The following CDC14A variants were observed in gnomAD, a reference collection of about 807,000 sequenced individuals.
CDC14A encodes cell division cycle 14A, also known as dual specificity protein phosphatase CDC14A.
In CDC14A, 53 loss-of-function variants were observed where a neutral mutation model predicts 74.4. That is an observed-to-expected ratio of 0.71 (90% CI 0.57 to 0.89). The LOEUF is 0.89. Ranked by LOEUF, CDC14A falls within the 40% of genes least tolerant of loss-of-function variation. CDC14A has a pLI of 0.00. For missense variants in CDC14A, 646 were observed against 713.7 expected (o/e 0.91, Z 1.08); for synonymous variants, 247 against 258.4 (o/e 0.96, Z 0.43).
chr1:100,383,707 T>C (rs1205274568), intron 3 of CDC14A: 1 of 152,482 alleles, frequency 6.6e-6, no homozygotes, highest in African/African-American at 2.4e-5. Context: ...ACCATGATCA[T>C]TGACAGAACT....
At chr1:100,370,695 C>T (rs372890451) in intron 2 of CDC14A, among the ~76,000 whole-genome samples, 1 of 152,198 alleles carries the variant, frequency 6.6e-6, no homozygotes, top group East Asian at 1.9e-4. Context: ...CAGTACCATG[C>T]TGTTTTGGTT....
intron 4 of CDC14A, among the ~76,000 whole-genome samples, chr1:100,418,722 G>A (rs895524171): frequency 6.6e-6 from 1 of 152,158 alleles, no homozygotes; most frequent in African/African-American, 2.4e-5. Flanking sequence ...AGTTCACTGC[G>A]GAACTAATGA....
At chr1:100,457,170 A>G (rs1161006963) in intron 8 of CDC14A, among the ~76,000 whole-genome samples, 3 of 152,216 alleles carry the variant, frequency 2.0e-5, no homozygotes, top group Admixed American at 6.5e-5. Context: ...GTGTTTGACT[A>G]CGTTTTCTTA....
chr1:100,470,000 A>G (rs943927777), intron 10 of CDC14A, among the ~76,000 whole-genome samples: 2 of 152,224 alleles, frequency 1.3e-5, no homozygotes, highest in African/African-American at 2.4e-5. Flanking sequence ...TTAATATAAA[A>G]TGAGTAAATG....
intron 1 of CDC14A, among the ~76,000 whole-genome samples, chr1:100,353,268 C>G (rs1250600876): frequency 6.6e-6 from 1 of 152,264 alleles, no homozygotes; most frequent in Non-Finnish European, 1.5e-5. Context: ...TACTCCGGCA[C>G]TCAGCAGCTC....
At chr1:100,421,952 A>G (rs1366116790) in intron 4 of CDC14A, among the ~76,000 whole-genome samples, 1 of 152,222 alleles carries the variant, frequency 6.6e-6, no homozygotes, top group Non-Finnish European at 1.5e-5. Flanking sequence ...TTAATGACCC[A>G]GCATGCATTC....
At chr1:100,412,565 G>T (rs1364309498) in intron 4 of CDC14A, among the ~76,000 whole-genome samples, 1 of 148,988 alleles carries the variant, frequency 6.7e-6, no homozygotes, top group South Asian at 2.1e-4. Context: ...GAAGATGGGG[G>T]TGAGAAATTG....
intron 13 of CDC14A, 76 bp downstream of exon 13, chr1:100,496,125 A>G: frequency 1.6e-6 from 2 of 1,269,162 alleles, no homozygotes; most frequent in Middle Eastern, 1.9e-4. Context: ...CAAGCCTCAA[A>G]CACGAAAATC....
At chr1:100,400,606 C>A (rs957344952) in intron 4 of CDC14A, among the ~76,000 whole-genome samples, 4 of 151,988 alleles carry the variant, frequency 2.6e-5, no homozygotes, top group Non-Finnish European at 5.9e-5. Flanking sequence ...TGTGATGTTG[C>A]CTGTAAATGG....
intron 1 of CDC14A, among the ~76,000 whole-genome samples, chr1:100,346,242 C>A (rs1650412527): frequency 6.6e-6 from 1 of 152,134 alleles, no homozygotes; most frequent in Non-Finnish European, 1.5e-5. Flanking sequence ...TAATATTTCT[C>A]AGCATGGCTA....
At chr1:100,444,843 A>G (rs921616681) in intron 7 of CDC14A, among the ~76,000 whole-genome samples, 2 of 152,246 alleles carry the variant, frequency 1.3e-5, no homozygotes, top group African/African-American at 4.8e-5. Context: ...AGAAAAACAT[A>G]TACTTTGTTC....
chr1:100,505,023 G>T (rs2101462685), intron 15 of CDC14A: 2 of 1,206,350 alleles, frequency 1.7e-6, no homozygotes, highest in East Asian at 2.6e-5. Flanking sequence ...TTTACATATT[G>T]TCTGTGTATG....
chr1:100,364,586 T>C (rs917042841), intron 2 of CDC14A, among the ~76,000 whole-genome samples: 1 of 152,146 alleles, frequency 6.6e-6, no homozygotes, highest in African/African-American at 2.4e-5. Context: ...AATCTGAGGG[T>C]TAGCCTTTTA....
At chr1:100,397,285 C>T (rs1190253158) in intron 4 of CDC14A, among the ~76,000 whole-genome samples, 2 of 152,132 alleles carry the variant, frequency 1.3e-5, no homozygotes, top group Non-Finnish European at 2.9e-5. Flanking sequence ...TCTCTTCACC[C>T]CCTGCATTGT....
intron 11 of CDC14A, among the ~76,000 whole-genome samples, chr1:100,486,256 A>C (rs184329759): frequency 1.6e-3 from 247 of 152,324 alleles, no homozygotes; most frequent in African/African-American, 5.7e-3. Flanking sequence ...TGATTAAGTT[A>C]ACATCTGGTA....
chr1:100,357,544 A>C (rs1652091175), intron 2 of CDC14A, among the ~76,000 whole-genome samples: 1 of 152,152 alleles, frequency 6.6e-6, no homozygotes, highest in South Asian at 2.1e-4. Flanking sequence ...GAGGAGAAGA[A>C]TATATTTATA....
intron 7 of CDC14A, among the ~76,000 whole-genome samples, chr1:100,452,244 G>T (rs1666214907): frequency 6.6e-6 from 1 of 152,184 alleles, no homozygotes; most frequent in African/African-American, 2.4e-5. Context: ...GGGTGCAGTG[G>T]CTCATGCCTG....
At chr1:100,393,192 A>C in intron 4 of CDC14A, 3 of 1,594,456 alleles carry the variant, frequency 1.9e-6, no homozygotes, top group Non-Finnish European at 2.6e-6. Context: ...TCCAGCTGTG[A>C]GTTGCATGTT....
At chr1:100,404,055 A>G (rs566380078) in intron 4 of CDC14A, among the ~76,000 whole-genome samples, 1 of 150,006 alleles carries the variant, frequency 6.7e-6, no homozygotes, top group East Asian at 2.0e-4. Flanking sequence ...CCTATTTTGG[A>G]AAGTGAATAA....
Sources: allele counts gnomAD v4.1 joint callset (sites outside exome capture counted in the v4.1 genomes callset), GRCh38; gene constraint gnomAD v4.1.1; transcripts MANE v1.5; gene names NCBI Gene and HGNC (gene_info 2026-07-23, HGNC 2026-07-21).